The following UPP2 variants were observed in gnomAD, a reference collection of about 807,000 sequenced individuals.
UPP2 encodes UPase 2.
In UPP2, 23 loss-of-function variants were observed where a neutral mutation model predicts 26.7. The observed-to-expected ratio is 0.86, with a 90% CI of 0.62 to 1.22. The LOEUF (loss-of-function observed/expected upper bound fraction) is 1.22, where lower values mean the gene tolerates loss of function less well. Ranked by LOEUF, UPP2 falls within the 50% of genes most tolerant of loss-of-function variation. UPP2 has a pLI of 0.00. For synonymous variants in UPP2, 127 were observed against 141.3 expected (o/e 0.90, Z 0.72); for missense variants, 387 against 396.7 (o/e 0.98, Z 0.21).
At chr2:158,057,717 G>C (rs1682269232) in intron 3 of UPP2, among the ~76,000 whole-genome samples, 1 of 150,660 alleles carries the variant, frequency 6.6e-6, no homozygotes, top group African/African-American at 2.4e-5. Flanking sequence ...ATTAAGTATA[G>C]TCTACAGTTG....
rs76698290 is a variant in UPP2 at position 158,124,516 on chromosome 2, G to A, written c.811+621G>A. Among the ~76,000 whole-genome samples the A allele has an allele frequency of 3.8e-3, 583 of 152,318 alleles. 1 individual carries two copies. The highest frequency in any genetic ancestry group is 0.02 in the South Asian group (96 of 4,826). ...AAGCCACTGGAGAGCTCTGAATAGA[G>A]AGGTGGCTGGATCTGACCTGTGTGT... On this transcript the variant is annotated intron_variant, in intron 6 of 6. Coordinates refer to ENST00000005756, the MANE Select transcript of UPP2 (RefSeq NM_173355.4).
intron 3 of UPP2, among the ~76,000 whole-genome samples, chr2:158,076,737 G>A (rs1408217147): frequency 6.6e-6 from 1 of 152,052 alleles, no homozygotes; most frequent in African/African-American, 2.4e-5. Flanking sequence ...AAAGCTGAAA[G>A]CCTTTCCTCT....
intron 3 of UPP2, among the ~76,000 whole-genome samples, chr2:158,043,099 C>G (rs1158066934): frequency 6.6e-6 from 1 of 152,218 alleles, no homozygotes; most frequent in Non-Finnish European, 1.5e-5. Context: ...GGCATAAGCT[C>G]TAATGTTTAA....
chr2:158,025,459 C>A (rs895582064), intron 3 of UPP2, among the ~76,000 whole-genome samples: 11 of 152,088 alleles, frequency 7.2e-5, no homozygotes, highest in African/African-American at 2.7e-4. Flanking sequence ...GGGAGGGAAG[C>A]CAAACAGGCT....
At chr2:158,065,666 G>A in intron 3 of UPP2, 1 of 587,402 alleles carries the variant, frequency 1.7e-6, no homozygotes. Context: ...TAAGAAGTAT[G>A]GAGTTTTCAC....
chr2:158,037,836 AT>A (rs1379979261), intron 3 of UPP2, among the ~76,000 whole-genome samples: 39 of 90,806 alleles, frequency 4.3e-4, no homozygotes, highest in Admixed American at 1.6e-3. Context: ...ATATTTTTGC[AT>A]TTTTTGGGGG....
At chr2:158,075,455 A>G (rs1682615886) in intron 3 of UPP2, among the ~76,000 whole-genome samples, 1 of 152,032 alleles carries the variant, frequency 6.6e-6, no homozygotes, top group Non-Finnish European at 1.5e-5. Flanking sequence ...ATAAGTCTTA[A>G]AACATTAAAA....
chr2:158,065,594 T>C, intron 3 of UPP2: 1 of 562,334 alleles, frequency 1.8e-6, no homozygotes, highest in South Asian at 1.5e-5. Context: ...TACAAGAACA[T>C]GAGGATTTCT....
chr2:158,069,179 T>C (rs1484140393), intron 3 of UPP2, among the ~76,000 whole-genome samples: 2 of 152,036 alleles, frequency 1.3e-5, no homozygotes, highest in African/African-American at 2.4e-5. Flanking sequence ...ATAAGACACA[T>C]TTCATGAACT....
At chr2:158,051,157 A>ATGTGTGTGTGTG (rs57745839) in intron 3 of UPP2, among the ~76,000 whole-genome samples, 1,840 of 144,962 alleles carry the variant, frequency 0.013, 21 homozygotes, top group East Asian at 0.018. Flanking sequence ...CTCTAGGAAT[A>ATGTGTGTGTGTG]TGTGTGTGTG....
At position 158,121,426 on chromosome 2, in the gene UPP2, G is replaced by A. The variant is rs1574306504; in HGVS notation, c.472G>A (p.Val158Ile). 1 of 1,612,992 alleles carries A rather than the reference G, an allele frequency of 6.2e-7. No homozygotes were observed. Among genetic ancestry groups the A allele is most frequent in the South Asian group, 1.1e-5 (1 of 91,064 alleles). Residue 158 changes from valine (V) to isoleucine (I), a missense_variant, in exon 5 of 7, where the codon GTT (valine) becomes ATT (isoleucine). Transcript: ENST00000005756. Reference sequence around the variant, plus strand: ...CATTGCAGGGATTGCACCAGGGACTGTTGTAATAACGGATATAGCTGTAGA... The same window carrying A: ...CATTGCAGGGATTGCACCAGGGACTATTGTAATAACGGATATAGCTGTAGA... Reference protein sequence around the residue: ...SGGIGIAPGTVVITDIAVDSF... With the variant: ...SGGIGIAPGTIVITDIAVDSF...
At position 158,106,009 on chromosome 2, in the gene UPP2, C is replaced by T. The variant is rs1050087944; in HGVS notation, c.63-90C>T. ...ATTGCTTCTCAACAAATAATTTAAC[C>T]CTAAAGGAAGGTTTATGTTCAGACT... On this transcript the variant is annotated intron_variant, in intron 1 of 6. Coordinates refer to ENST00000005756, the MANE Select transcript of UPP2 (RefSeq NM_173355.4). 8 of 952,218 alleles carry T rather than the reference C, an allele frequency of 8.4e-6. No individual in the cohort carries two copies. In the Admixed American group the frequency reaches 1.7e-4, roughly 21 times the overall value. The allele number at this position is 952,218 out of a possible 1,614,324, so 59.0% of individuals were successfully genotyped here.
At chr2:158,115,365 C>A in intron 3 of UPP2, 106 bp downstream of exon 3, 1 of 1,359,018 alleles carries the variant, frequency 7.4e-7, no homozygotes, top group Middle Eastern at 1.9e-4. Flanking sequence ...CATTCTTACA[C>A]AATCAAACAA....
intron 3 of UPP2, among the ~76,000 whole-genome samples, chr2:158,085,355 C>A (rs1682795645): frequency 6.6e-6 from 1 of 152,048 alleles, no homozygotes; most frequent in Admixed American, 6.6e-5. Flanking sequence ...AATTTTGTAT[C>A]CTGAAACTTT....
chr2:158,108,409 A>T (rs773766556), intron 2 of UPP2, among the ~76,000 whole-genome samples: 2 of 152,220 alleles, frequency 1.3e-5, no homozygotes, highest in Non-Finnish European at 2.9e-5. Flanking sequence ...CGATAAAAAA[A>T]TAATGGCTCT....
chr2:158,088,533 T>A (rs975471976), intron 3 of UPP2, among the ~76,000 whole-genome samples: 3 of 152,202 alleles, frequency 2.0e-5, no homozygotes, highest in Admixed American at 6.5e-5. Flanking sequence ...GCCAGTGTGA[T>A]CTTTTAGGGG....
At chr2:158,118,842 A>G (rs1470421743) in intron 4 of UPP2, among the ~76,000 whole-genome samples, 1 of 152,070 alleles carries the variant, frequency 6.6e-6, no homozygotes, top group East Asian at 1.9e-4. Context: ...CAACATCACA[A>G]AGCCACCATG....
chr2:158,009,387 G>A (rs1310878450), intron 2 of UPP2, among the ~76,000 whole-genome samples: 2 of 152,090 alleles, frequency 1.3e-5, no homozygotes, highest in East Asian at 3.9e-4. Context: ...TTTTGTACAA[G>A]GAATTTCAGA....
At chr2:158,022,054 T>G (rs1683759846) in intron 3 of UPP2, among the ~76,000 whole-genome samples, 1 of 151,832 alleles carries the variant, frequency 6.6e-6, no homozygotes, top group Non-Finnish European at 1.5e-5. Context: ...TTTTTCAAAT[T>G]GAGTCAATGA....
Sources: allele counts gnomAD v4.1 joint callset (sites outside exome capture counted in the v4.1 genomes callset), GRCh38; gene constraint gnomAD v4.1.1; transcripts MANE v1.5; gene names NCBI Gene and HGNC (gene_info 2026-07-23, HGNC 2026-07-21).